POLD1: variants seen among roughly 807,000 people sequenced by gnomAD.
POLD1 encodes the protein DNA polymerase delta catalytic subunit.
A neutral mutation model predicts 129.7 loss-of-function variants in POLD1; 79 were observed. The ratio of observed to expected loss-of-function variants is 0.61; its 90% CI spans 0.51 to 0.73. The LOEUF (loss-of-function observed/expected upper bound fraction) is 0.73, where lower values mean the gene tolerates loss of function less well. POLD1 is among the 30% of genes least tolerant of loss of function. POLD1 has a pLI of 0.00. For synonymous variants in POLD1, 714 were observed against 683.3 expected, an observed-to-expected ratio of 1.04 and a Z score of -0.70; for missense variants, 1,338 against 1,595.8, an observed-to-expected ratio of 0.84 and a Z score of 2.75.
Position 50,387,608 on chromosome 19 carries a change from C to T in POLD1, c.-2+3218C>T, listed in dbSNP as rs917143773. 4 of 152,658 alleles carry T rather than the reference C, an allele frequency of 2.6e-5. No individual in the cohort carries two copies. In the Admixed American group the frequency reaches 2.6e-4, roughly 10 times the overall value. The allele number at this position is 152,658 out of a possible 1,614,324, so 9.5% of individuals were successfully genotyped here. A position where few individuals can be genotyped will look rare whatever the true frequency, so the allele number is the denominator to read the frequency against. ...CGTCCCTCCCACCGCACCCCCGCAG[C>T]CACAGCCAACTGACCAAGGGCAGCC... On this transcript the variant is annotated intron_variant, in intron 1 of 26. Transcript: ENST00000440232.
In POLD1 at chr19:50,409,427, C is replaced by A. The variant is rs565716605; in HGVS notation, c.2007-92C>A. On this transcript the variant is annotated intron_variant, in intron 16 of 26. Coordinates refer to ENST00000440232, the MANE Select transcript of POLD1 (RefSeq NM_002691.4). The surrounding 1 kb of genome is among the most constrained non-coding windows in gnomAD (Gnocchi z 5.8). The stretch of plus-strand genomic sequence containing the variant: ...AGAAGCTTCTGTGCAGTGCACAGTA[C>A]GCCCAACCGTACATGGCACTCACTT... 6.4e-7 allele frequency: 1 copy of A among 1,550,514 alleles called. No individual in the cohort carries two copies. The highest frequency in any genetic ancestry group is 8.9e-7 in the Non-Finnish European group (1 of 1,128,040).
intron 1 of POLD1, among the ~76,000 whole-genome samples, chr19:50,395,900 T>TTG (rs2038344589): frequency 6.9e-6 from 1 of 145,682 alleles, no homozygotes; most frequent in Non-Finnish European, 1.5e-5. Flanking sequence ...TTTTTTTTTT[T>TTG]TGAGACAGGG....
chr19:50,399,289 G>A, intron 2 of POLD1, 82 bp from the exon 3 acceptor site: 1 of 1,255,832 alleles, frequency 8.0e-7, no homozygotes, highest in Non-Finnish European at 1.1e-6. Flanking sequence ...ACCTCTGCCT[G>A]GCTCCTTTCA....
At chr19:50,390,929 T>A (rs1043869678) in intron 1 of POLD1, among the ~76,000 whole-genome samples, 1 of 152,164 alleles carries the variant, frequency 6.6e-6, no homozygotes, top group African/African-American at 2.4e-5. Context: ...AAGGCAGAAT[T>A]TTTCTTAGTA....
chr19:50,400,800 C>T (rs1454596927), intron 3 of POLD1, among the ~76,000 whole-genome samples: 1 of 150,708 alleles, frequency 6.6e-6, no homozygotes, highest in African/African-American at 2.4e-5. Context: ...AGGTTCACGC[C>T]ATTCTCCTGC....
chr19:50,414,353 G>A (rs975070615), intron 19 of POLD1, among the ~76,000 whole-genome samples: 5 of 152,208 alleles, frequency 3.3e-5, no homozygotes, highest in Admixed American at 2.0e-4. Context: ...CCTGGGCTCC[G>A]GCGATCCTCC....
In POLD1 at chr19:50,385,179, T is replaced by C. The variant is rs577248500; in HGVS notation, c.-2+789T>C. Among the ~76,000 whole-genome samples, 95 of 152,244 alleles carry C rather than the reference T, an allele frequency of 6.2e-4. 1 individual carries two copies. The highest frequency in any genetic ancestry group is 5.2e-3 in the South Asian group (25 of 4,822). ...ACTCACCACTGAGTGGAAATTGGATTGTAGCAGGAATAAGAATGGAAGGAG... is the reference window on the plus strand; with the variant it reads ...ACTCACCACTGAGTGGAAATTGGATCGTAGCAGGAATAAGAATGGAAGGAG... On this transcript the variant is annotated intron_variant, in intron 1 of 26. Transcript: ENST00000440232.
intron 1 of POLD1, among the ~76,000 whole-genome samples, chr19:50,392,971 C>T (rs767048023): frequency 2.6e-5 from 4 of 152,232 alleles, no homozygotes; most frequent in Non-Finnish European, 5.9e-5. Flanking sequence ...TTCCATTGAA[C>T]GGACTTAACA....
chr19:50,407,222 T>C (rs1156598986), intron 13 of POLD1, 48 bp downstream of exon 13: 8 of 1,569,362 alleles, frequency 5.1e-6, no homozygotes, highest in African/African-American at 1.4e-5. Flanking sequence ...GGCACGTCTG[T>C]GGCCCCCTCC....
rs772470741 is a variant in POLD1, at chr19:50,402,466, C to T, written c.771C>T (p.Asp257=). 2.5e-6 allele frequency: 4 copies of T among 1,612,876 alleles called. No homozygotes were observed. Among genetic ancestry groups the T allele is most frequent in the East Asian group, 4.5e-5 (2 of 44,846 alleles). The part of the protein sequence containing the change: ...NVDFEIRFMV[D]TDIVGCNWLE... ...CAGCCCCCTCCAGGTTCATGGTGGACACGGACATCGTCGGCTGCAACTGGC... is the reference window on the plus strand; with the variant it reads ...CAGCCCCCTCCAGGTTCATGGTGGATACGGACATCGTCGGCTGCAACTGGC... Residue 257 remains aspartate, a synonymous_variant, in exon 7 of 27, where the codon GAC becomes GAT. Transcript: ENST00000440232.
At position 50,404,472 on chromosome 19, in the gene POLD1, G is replaced by A. The variant is rs754364372; in HGVS notation, c.1242+875G>A. Among the ~76,000 whole-genome samples, 31 of 149,224 alleles carry A rather than the reference G, an allele frequency of 2.1e-4. 1 individual carries two copies. The highest frequency in any genetic ancestry group is 1.0e-3 in the South Asian group (5 of 4,800). On this transcript the variant is annotated intron_variant, in intron 10 of 26. Transcript: ENST00000440232. ...AGAGACGGGGTTTCACTGTGTTAGCGAGGATGGTCTTGATCTCCTGACCTT... is the reference window on the plus strand; with the variant it reads ...AGAGACGGGGTTTCACTGTGTTAGCAAGGATGGTCTTGATCTCCTGACCTT...
chr19:50,391,409 T>C (rs1267921348), intron 1 of POLD1, among the ~76,000 whole-genome samples: 4 of 152,096 alleles, frequency 2.6e-5, no homozygotes, highest in Admixed American at 6.6e-5. Flanking sequence ...CTGGGCACCA[T>C]TGAGCACTGA....
rs2039020026 is a variant in POLD1, at chr19:50,409,547, G to C, written c.2035G>C (p.Asp679His). ...RAKAELAKETDPLRRQVLDGR... is the reference protein window; with the variant it reads ...RAKAELAKETHPLRRQVLDGR... The stretch of plus-strand genomic sequence containing the variant: ...CAAGGCCGAGCTGGCCAAGGAGACA[G>C]ACCCCCTCCGGCGCCAGGTCCTGGA... The change falls in exon 17 of 27, where the codon GAC becomes CAC. Residue 679 changes from aspartate to histidine, a missense_variant. Asp to His is a moderately conservative substitution (Grantham distance 81). This residue lies in a region of POLD1 where 720 missense variants were observed against 1,002.6 expected (regional missense o/e 0.72). Coordinates refer to ENST00000440232, the MANE Select transcript of POLD1 (RefSeq NM_002691.4). This position sits in a 1 kb window ranked among gnomAD's most constrained non-coding sequence, Gnocchi z 5.8. 1 of 1,613,422 alleles carries C rather than the reference G, an allele frequency of 6.2e-7. No homozygotes were observed. The highest frequency in any genetic ancestry group is 1.7e-5 in the Admixed American group (1 of 60,004).
At chr19:50,416,830 C>G in intron 24 of POLD1, 107 bp downstream of exon 24, 1 of 1,011,994 alleles carries the variant, frequency 9.9e-7, no homozygotes. Flanking sequence ...CCAGTGGGCC[C>G]AGGGCCCCTG....
chr19:50,413,679 C>G, intron 18 of POLD1, 63 bp from the exon 19 acceptor site: 3 of 1,559,092 alleles, frequency 1.9e-6, no homozygotes, highest in South Asian at 2.4e-5. Context: ...TGCCACCCCC[C>G]GACACCAGTA....
At chr19:50,401,960 T>G in intron 4 of POLD1, 36 bp downstream of exon 4, 2 of 1,613,904 alleles carry the variant, frequency 1.2e-6, no homozygotes, top group Non-Finnish European at 1.7e-6. Flanking sequence ...CCTGAGCCAC[T>G]GGAGCCCCCT....
rs770368541 is a variant in POLD1, at chr19:50,413,844, C to A, written c.2353C>A (p.His785Asn). 1.2e-6 allele frequency: 2 copies of A among 1,610,308 alleles called. No homozygotes were observed. Among genetic ancestry groups the A allele is most frequent in the Non-Finnish European group, 1.7e-6 (2 of 1,178,280 alleles). The change falls in exon 19 of 27, where the codon CAC becomes AAC. Residue 785 changes from histidine (H) to asparagine (N), a missense_variant. Coordinates refer to ENST00000440232, the MANE Select transcript of POLD1 (RefSeq NM_002691.4). ...GREAADWVSG[H>N]FPSPIRLEFE... ...GGAGGCCGCGGACTGGGTGTCAGGTCACTTCCCGTCGCCCATCCGGCTGGA... is the reference window on the plus strand; with the variant it reads ...GGAGGCCGCGGACTGGGTGTCAGGTAACTTCCCGTCGCCCATCCGGCTGGA...
intron 10 of POLD1, among the ~76,000 whole-genome samples, chr19:50,405,787 C>T (rs537232049): frequency 5.3e-5 from 8 of 152,246 alleles, no homozygotes; most frequent in South Asian, 2.1e-4. Context: ...TGCAGCCAGG[C>T]GCCCTCCAGC....
chr19:50,406,487 C>T lies in POLD1; in HGVS notation c.1464C>T (p.Asp488=), dbSNP rs760263079. Residue 488 remains aspartate (D), a synonymous_variant, in exon 12 of 27, where the codon GAC becomes GAT. Transcript: ENST00000440232. The surrounding 1 kb of genome is among the most constrained non-coding windows in gnomAD (Gnocchi z 5.5). ...ACTTCCTGGGCGAGCAGAAGGAGGA[C>T]GTGCAGCACAGCATCATCACCGACC... ...SFHFLGEQKE[D]VQHSIITDLQ... 2.5e-5 allele frequency: 40 copies of T among 1,593,204 alleles called. No homozygotes were observed. Among genetic ancestry groups the T allele is most frequent in the African/African-American group, 5.4e-5 (4 of 74,420 alleles).
Sources: gnomAD v4.1 joint callset for allele counts (sites outside exome capture counted in the v4.1 genomes callset) on GRCh38, gnomAD v4.1.1 for gene constraint, gnomAD v4.1.1 regional missense constraint, Gnocchi (gnomAD v3.1) non-coding constraint, MANE v1.5 for transcripts, NCBI Gene and HGNC (gene_info 2026-07-23, HGNC 2026-07-21) for gene names.